SIL1: variants seen among roughly 807,000 people sequenced by gnomAD.
The protein encoded by SIL1 is SIL1 nucleotide exchange factor.
A neutral mutation model predicts 49.1 loss-of-function variants in SIL1; 40 were observed. The ratio of observed to expected loss-of-function variants is 0.81; its 90% CI spans 0.63 to 1.06. The LOEUF (loss-of-function observed/expected upper bound fraction) is 1.06, where lower values mean the gene tolerates loss of function less well. Ranked by LOEUF, SIL1 falls within the 50% of genes least tolerant of loss-of-function variation. The pLI is 0.00. For synonymous variants in SIL1, 253 were observed against 250.8 expected (o/e 1.01, Z -0.08); for missense variants, 500 against 572.6 (o/e 0.87, Z 1.29).
At chr5:139,155,841 C>CTT (rs34978590) in intron 1 of SIL1, among the ~76,000 whole-genome samples, 182 of 148,666 alleles carry the variant, frequency 1.2e-3, no homozygotes, top group African/African-American at 3.9e-3. Context: ...CAAATAAACT[C>CTT]TTTTTTTTTT....
At chr5:139,034,126 A>G (rs113125414) in intron 5 of SIL1, among the ~76,000 whole-genome samples, 10 of 152,288 alleles carry the variant, frequency 6.6e-5, no homozygotes, top group African/African-American at 1.9e-4. Context: ...TGATATTAAT[A>G]TAGTAACTCC....
chr5:138,977,967 C>T (rs1175230267), intron 7 of SIL1, among the ~76,000 whole-genome samples: 1 of 152,186 alleles, frequency 6.6e-6, no homozygotes, highest in African/African-American at 2.4e-5. Context: ...GCCAGAATGA[C>T]ATCTCTTTGG....
chr5:138,951,076 A>G, intron 9 of SIL1, 95 bp downstream of exon 9: 1 of 1,393,908 alleles, frequency 7.2e-7, no homozygotes, highest in Non-Finnish European at 1.0e-6. Context: ...CAAAGCAAAC[A>G]AGTGACGTCC....
intron 3 of SIL1, among the ~76,000 whole-genome samples, chr5:139,055,637 CCTCTCCCT>C (rs1769392606): frequency 2.4e-5 from 3 of 123,548 alleles, no homozygotes; most frequent in Non-Finnish European, 5.0e-5. Context: ...CCCCTCTCCC[CCTCTCCCT>C]CTCCCCACGG....
At chr5:139,028,680 A>G (rs1008037751) in intron 5 of SIL1, among the ~76,000 whole-genome samples, 12 of 152,218 alleles carry the variant, frequency 7.9e-5, no homozygotes, top group Non-Finnish European at 1.2e-4. Context: ...ACAATGTCAA[A>G]ATCAAGAAAA....
chr5:139,040,484 C>CTTTTTTTTTTTTTTTTT (rs140792595), intron 5 of SIL1, among the ~76,000 whole-genome samples: 3 of 89,408 alleles, frequency 3.4e-5, no homozygotes, highest in Admixed American at 1.3e-4. Flanking sequence ...AGTATTTTTT[C>CTTTTTTTTTTTTTTTTT]TTTTTTCTTT....
intron 3 of SIL1, among the ~76,000 whole-genome samples, chr5:139,098,813 T>C (rs1183356485): frequency 2.1e-5 from 2 of 96,902 alleles, no homozygotes; most frequent in Admixed American, 9.2e-5. Context: ...CTTACTCTTT[T>C]TTTTTTTTTT....
intron 7 of SIL1, among the ~76,000 whole-genome samples, chr5:138,961,014 A>G (rs1313984726): frequency 6.6e-6 from 1 of 152,192 alleles, no homozygotes; most frequent in Non-Finnish European, 1.5e-5. Context: ...CATCAAGTAG[A>G]ATGTGTTAAA....
Position 138,951,806 on chromosome 5 carries a change from C to G in SIL1, c.846G>C (p.Pro282=). 6.2e-7 allele frequency: 1 copy of G among 1,613,970 alleles called. No individual in the cohort carries two copies. The highest frequency in any genetic ancestry group is 1.3e-5 in the African/African-American group (1 of 75,042). Residue 282 remains proline, a synonymous_variant, in exon 8 of 10, where the codon CCG becomes CCC. Transcript: ENST00000394817. ...KLLVILATEQ[P]LTAKKKVLFA... is the part of the protein sequence containing the mutation. ...AACACACCTTCTTCTTTGCAGTGAG[C>G]GGCTGCTCCGTGGCCAGGATGACCA...
chr5:139,106,643 G>A (rs1770719060), intron 3 of SIL1, among the ~76,000 whole-genome samples: 2 of 152,026 alleles, frequency 1.3e-5, no homozygotes, highest in South Asian at 4.1e-4. Context: ...ATACTTTCCA[G>A]AACCCCCGAT....
chr5:139,081,390 G>A (rs1770074936), intron 3 of SIL1, among the ~76,000 whole-genome samples: 1 of 152,150 alleles, frequency 6.6e-6, no homozygotes, highest in African/African-American at 2.4e-5. Context: ...AAGTAGCTAG[G>A]ACTACAGGTA....
At chr5:139,146,992 T>G (rs1396839929) in intron 1 of SIL1, among the ~76,000 whole-genome samples, 1 of 152,232 alleles carries the variant, frequency 6.6e-6, no homozygotes, top group East Asian at 1.9e-4. Flanking sequence ...GACTCCTTCC[T>G]CATCCACTGT....
At chr5:139,039,393 CAGGAGTTGG>C (rs1233937997) in intron 5 of SIL1, among the ~76,000 whole-genome samples, 2 of 152,172 alleles carry the variant, frequency 1.3e-5, no homozygotes, top group African/African-American at 4.8e-5. Flanking sequence ...TTATCTTTGG[CAGGAGTTGG>C]ACAGGTATTG....
chr5:139,015,115 A>C (rs1768370368), intron 7 of SIL1, among the ~76,000 whole-genome samples: 1 of 152,222 alleles, frequency 6.6e-6, no homozygotes, highest in Non-Finnish European at 1.5e-5. Flanking sequence ...TGTCCAAGGT[A>C]TCAATTTATT....
chr5:139,173,789 A>G (rs1482389224), intron 1 of SIL1, among the ~76,000 whole-genome samples: 1 of 106,092 alleles, frequency 9.4e-6, no homozygotes, highest in Non-Finnish European at 1.9e-5. Flanking sequence ...TACTAAAAAT[A>G]CAAAAAAAAA....
intron 7 of SIL1, among the ~76,000 whole-genome samples, chr5:139,001,170 G>A (rs1408566448): frequency 6.6e-6 from 1 of 152,008 alleles, no homozygotes; most frequent in African/African-American, 2.4e-5. Context: ...CATCAAATTG[G>A]CAAAAAATAG....
At chr5:138,990,222 G>A (rs1459476872) in intron 7 of SIL1, among the ~76,000 whole-genome samples, 1 of 152,198 alleles carries the variant, frequency 6.6e-6, no homozygotes, top group Non-Finnish European at 1.5e-5. Flanking sequence ...ACTGTGGAAA[G>A]ACACTTGCTC....
intron 1 of SIL1, among the ~76,000 whole-genome samples, chr5:139,157,901 T>C (rs1751434462): frequency 1.3e-5 from 2 of 152,238 alleles, no homozygotes; most frequent in African/African-American, 2.4e-5. Flanking sequence ...TTCTTTTTGC[T>C]AGATGCTTTT....
At chr5:138,963,890 T>C (rs193147726) in intron 7 of SIL1, among the ~76,000 whole-genome samples, 3 of 152,254 alleles carry the variant, frequency 2.0e-5, no homozygotes, top group Non-Finnish European at 2.9e-5. Flanking sequence ...TTGGCTCACA[T>C]TGTAACAGAG....
Sources: allele counts gnomAD v4.1 joint callset (sites outside exome capture counted in the v4.1 genomes callset), GRCh38; gene constraint gnomAD v4.1.1; transcripts MANE v1.5; gene names NCBI Gene and HGNC (gene_info 2026-07-23, HGNC 2026-07-21).